TMEM272: variants seen among roughly 807,000 people sequenced by gnomAD.
TMEM272 encodes the protein long intergenic non-protein coding RNA 282.
In TMEM272, 8 loss-of-function variants were observed where a neutral mutation model predicts 3.7. The observed-to-expected ratio is 2.17, with a 90% CI of 1.27 to 3.91. The LOEUF (loss-of-function observed/expected upper bound fraction) is 3.91. Among genes scored for constraint, TMEM272 ranks in the 30% most tolerant of loss-of-function variants. The pLI, the probability that TMEM272 is intolerant of heterozygous loss-of-function variation, is 0.00. For synonymous variants in TMEM272, 63 were observed against 39.8 expected (o/e 1.58, Z -2.20); for missense variants, 166 against 91.5 (o/e 1.81, Z -3.32).
At chr13:51,835,256 C>T (rs1314168804) in intron 2 of TMEM272, among the ~76,000 whole-genome samples, 1 of 149,868 alleles carries the variant, frequency 6.7e-6, no homozygotes, top group African/African-American at 2.5e-5. Flanking sequence ...CGGAGTCTCA[C>T]TCTGTCACCA....
the TMEM272 span, among the ~76,000 whole-genome samples, chr13:51,888,990 T>C: frequency 6.6e-6 from 1 of 152,156 alleles, no homozygotes; most frequent in Non-Finnish European, 1.5e-5. Context: ...TCTCTGGTGA[T>C]GTGTATTTCA....
At chr13:51,829,424 C>T (rs1259243611) in intron 2 of TMEM272, among the ~76,000 whole-genome samples, 1 of 152,058 alleles carries the variant, frequency 6.6e-6, no homozygotes, top group Non-Finnish European at 1.5e-5. Context: ...TGTTTTGCTC[C>T]GGGGCCCTGC....
At chr13:51,819,182 G>A (rs961917527) in intron 4 of TMEM272, among the ~76,000 whole-genome samples, 5 of 152,212 alleles carry the variant, frequency 3.3e-5, no homozygotes, top group African/African-American at 1.2e-4. Flanking sequence ...CACAAGGAGA[G>A]GTGCGAGGGT....
intron 2 of TMEM272, among the ~76,000 whole-genome samples, chr13:51,830,165 G>A (rs915396562): frequency 1.3e-5 from 2 of 152,212 alleles, no homozygotes; most frequent in African/African-American, 4.8e-5. Flanking sequence ...AGGCTCTTGT[G>A]TCATGTAAAA....
At chr13:51,835,349 C>T (rs1339386049) in intron 2 of TMEM272, among the ~76,000 whole-genome samples, 1 of 151,884 alleles carries the variant, frequency 6.6e-6, no homozygotes, top group African/African-American at 2.4e-5. Flanking sequence ...CCCAGCCTCC[C>T]GAGTAGCTGG....
chr13:51,890,306 A>G, the TMEM272 span, among the ~76,000 whole-genome samples: 2 of 152,186 alleles, frequency 1.3e-5, no homozygotes, highest in African/African-American at 4.8e-5. Flanking sequence ...CCTCATGAAC[A>G]GATTAATTCC....
chr13:51,923,343 T>C, the TMEM272 span, among the ~76,000 whole-genome samples: 1 of 152,122 alleles, frequency 6.6e-6, no homozygotes, highest in East Asian at 1.9e-4. Flanking sequence ...GATGGGCTGG[T>C]GAGGAGCTGC....
the TMEM272 span, among the ~76,000 whole-genome samples, chr13:51,904,067 A>G: frequency 1.3e-5 from 2 of 152,112 alleles, no homozygotes; most frequent in African/African-American, 4.8e-5. Context: ...AATCTAACAC[A>G]CAGCACCTGT....
chr13:51,817,224 G>A, intron 4 of TMEM272, 111 bp from the exon 5 acceptor site: 1 of 603,342 alleles, frequency 1.7e-6, no homozygotes, highest in South Asian at 2.0e-5. Context: ...AGAAAGAGGA[G>A]AGAGAGGAAG....
chr13:51,875,804 C>T, the TMEM272 span, among the ~76,000 whole-genome samples: 261 of 152,298 alleles, frequency 1.7e-3, 2 homozygotes, highest in African/African-American at 6.1e-3. Flanking sequence ...ACAAAACCAC[C>T]CAGACATACC....
At chr13:51,835,644 T>C (rs1202487073) in intron 2 of TMEM272, among the ~76,000 whole-genome samples, 1 of 152,174 alleles carries the variant, frequency 6.6e-6, no homozygotes, top group Non-Finnish European at 1.5e-5. Flanking sequence ...GTATATGCAT[T>C]TGCATCTATG....
chr13:51,834,111 G>C (rs749153290), intron 2 of TMEM272, among the ~76,000 whole-genome samples: 1 of 152,204 alleles, frequency 6.6e-6, no homozygotes, highest in Non-Finnish European at 1.5e-5. Context: ...AGGACAGAGC[G>C]TGCTGCTGTG....
chr13:51,905,423 C>T, the TMEM272 span, among the ~76,000 whole-genome samples: 7 of 152,314 alleles, frequency 4.6e-5, no homozygotes, highest in East Asian at 1.2e-3. Flanking sequence ...TTCCTGAGGC[C>T]CTCTCATTTG....
chr13:51,903,370 C>T, the TMEM272 span, among the ~76,000 whole-genome samples: 107 of 152,220 alleles, frequency 7.0e-4, 1 homozygote, highest in Admixed American at 1.0e-3. Context: ...TCCAATAAGA[C>T]ACTTCATAAC....
upstream of TMEM272, among the ~76,000 whole-genome samples, chr13:51,850,167 C>G (rs1333329444): frequency 6.6e-6 from 1 of 152,180 alleles, no homozygotes; most frequent in Middle Eastern, 3.2e-3. Flanking sequence ...TAAGTTTATA[C>G]ACAAATTTGG....
chr13:51,827,482 A>G lies in TMEM272; in HGVS notation c.59-857T>C, dbSNP rs142217143. 7.9e-4 allele frequency among the ~76,000 whole-genome samples: 121 copies of G among 152,322 alleles called. 2 individuals are homozygous for G. The highest frequency in any genetic ancestry group is 7.3e-3 in the Admixed American group (112 of 15,296). On this transcript the variant is annotated intron_variant, in intron 2 of 4. Coordinates refer to ENST00000629372, the MANE Select transcript of TMEM272 (RefSeq NM_001351003.2). ...TCATCTGTTCTCCAGATCGGCAGAT[A>G]TATCTGCAGATATAGGTTTTGCTTG...
At chr13:51,850,054 A>T (rs926623553), upstream of TMEM272, among the ~76,000 whole-genome samples, 8 of 152,164 alleles carry the variant, frequency 5.3e-5, no homozygotes, top group African/African-American at 1.9e-4. Context: ...AAAACAAAAT[A>T]AAAAATTAGC....
intron 3 of TMEM272, 25 bp from the exon 4 acceptor site, chr13:51,822,162 T>C (rs1593590984): frequency 2.9e-6 from 2 of 678,492 alleles, no homozygotes; most frequent in East Asian, 2.7e-5. Context: ...CAGAAGAGGA[T>C]TGAGAGAAAT....
chr13:51,863,672 G>GACACACACACAC, the TMEM272 span, among the ~76,000 whole-genome samples: 57 of 134,388 alleles, frequency 4.2e-4, no homozygotes, highest in African/African-American at 1.5e-3. Flanking sequence ...CGCGCACACA[G>GACACACACACAC]ACACACACAC....
Sources: allele counts gnomAD v4.1 joint callset (sites outside exome capture counted in the v4.1 genomes callset), GRCh38; gene constraint gnomAD v4.1.1; transcripts MANE v1.5; gene names NCBI Gene and HGNC (gene_info 2026-07-23, HGNC 2026-07-21).